Variants in EPC2 observed in about 807,000 individuals in gnomAD.
The protein encoded by EPC2 is enhancer of polycomb 2, also known as enhancer of polycomb homolog 2.
Under a neutral mutation model 92.1 loss-of-function variants are expected in EPC2, and 14 were observed. The observed-to-expected ratio is 0.15, with a 90% CI of 0.10 to 0.24. EPC2 has a LOEUF of 0.24. Ranked by LOEUF, EPC2 falls within the 10% of genes least tolerant of loss-of-function variation. The probability of loss-of-function intolerance (pLI) is 1.00; values close to 1 mark genes in which losing one functional copy is unlikely to be tolerated. For synonymous variants in EPC2, 340 were observed against 334.7 expected, an observed-to-expected ratio of 1.02 and a Z score of -0.17; for missense variants, 755 against 971.5, an observed-to-expected ratio of 0.78 and a Z score of 2.96.
chr2:148,762,643 T>G, intron 5 of EPC2, 27 bp from the exon 6 acceptor site: 1 of 1,516,730 alleles, frequency 6.6e-7, no homozygotes, highest in Non-Finnish European at 8.9e-7. Context: ...ATGCAATGTT[T>G]TCTTATATTT....
chr2:148,721,715 T>C (rs1267825003), intron 2 of EPC2, among the ~76,000 whole-genome samples: 2 of 111,418 alleles, frequency 1.8e-5, no homozygotes, highest in African/African-American at 2.6e-5. Context: ...TTTTATTCTT[T>C]TTTTTTTTTT....
Position 148,749,026 on chromosome 2 carries a change from T to G in EPC2, c.460-4901T>G, listed in dbSNP as rs73005659. ...TAAAGTGAAATCTGAACCACCTGAT[T>G]CCAGCCATGCTGAACTTCTTTCTGG... On this transcript the variant is annotated intron_variant, in intron 3 of 13. Transcript: ENST00000258484. Among the ~76,000 whole-genome samples, 1,522 of 152,294 alleles carry G rather than the reference T, an allele frequency of 1.0e-2. 25 individuals are homozygous for G. Among genetic ancestry groups the G allele is most frequent in the African/African-American group, 0.034 (1,427 of 41,564 alleles).
chr2:148,649,204 T>G (rs1013874156), intron 1 of EPC2, among the ~76,000 whole-genome samples: 3 of 152,236 alleles, frequency 2.0e-5, no homozygotes, highest in Admixed American at 2.0e-4. Flanking sequence ...AAACTTTTTT[T>G]GAAGTATACT....
In EPC2 at chr2:148,784,916, A is replaced by G. The variant is rs763525551; in HGVS notation, c.2266A>G (p.Thr756Ala). The G allele has an allele frequency of 2.8e-5, 45 of 1,587,308 alleles. No homozygotes were observed. The highest frequency in any genetic ancestry group is 3.7e-5 in the Non-Finnish European group (43 of 1,166,230). ...INTRTSAPSP[T>A]ALKLATVAAS... is the part of the protein sequence containing the mutation. ...TACACGGACTTCAGCACCATCGCCAACAGCCTTAAAACTTGCCACAGTTGC... is the reference window on the plus strand; with the variant it reads ...TACACGGACTTCAGCACCATCGCCAGCAGCCTTAAAACTTGCCACAGTTGC... The change falls in exon 13 of 14, where the codon ACA becomes GCA. Residue 756 changes from threonine (T) to alanine (A), a missense_variant. Physicochemically the swap from Thr to Ala is moderately conservative, Grantham distance 58. Around this residue, in one of 4 missense-constraint regions of EPC2, gnomAD observed 207 missense variants for 260.5 expected, o/e 0.79. Transcript: ENST00000258484.
At chr2:148,659,719 A>G (rs1424566247) in intron 1 of EPC2, among the ~76,000 whole-genome samples, 2 of 152,128 alleles carry the variant, frequency 1.3e-5, no homozygotes, top group African/African-American at 4.8e-5. Flanking sequence ...GTTTCTACAC[A>G]CAAAAATTAA....
chr2:148,735,281 C>A (rs1227442559), intron 2 of EPC2, among the ~76,000 whole-genome samples: 1 of 151,922 alleles, frequency 6.6e-6, no homozygotes, highest in African/African-American at 2.4e-5. Flanking sequence ...TATGAGAGTT[C>A]TTGTTGTCTC....
chr2:148,689,596 T>G (rs924821102), intron 1 of EPC2, among the ~76,000 whole-genome samples: 2 of 152,076 alleles, frequency 1.3e-5, no homozygotes, highest in South Asian at 2.1e-4. Context: ...AATGGGCCAT[T>G]GTGGGGGAAG....
At chr2:148,722,227 T>C (rs1374523066) in intron 2 of EPC2, among the ~76,000 whole-genome samples, 1 of 152,178 alleles carries the variant, frequency 6.6e-6, no homozygotes, top group African/African-American at 2.4e-5. Flanking sequence ...GTCTCTGGAC[T>C]GTGAACTTCA....
chr2:148,726,630 T>TA (rs760711785), intron 2 of EPC2, among the ~76,000 whole-genome samples: 5 of 152,098 alleles, frequency 3.3e-5, no homozygotes, highest in Non-Finnish European at 7.4e-5. Context: ...TTTTAATACT[T>TA]AAAGAATTTT....
chr2:148,731,984 AT>A (rs1682641127), intron 2 of EPC2, among the ~76,000 whole-genome samples: 1 of 152,168 alleles, frequency 6.6e-6, no homozygotes. Context: ...AATTGGTAAG[AT>A]TTATAAACAG....
chr2:148,733,417 ATTC>A (rs1682685055), intron 2 of EPC2, among the ~76,000 whole-genome samples: 1 of 139,126 alleles, frequency 7.2e-6, no homozygotes, highest in South Asian at 2.3e-4. Flanking sequence ...TCTATCACAT[ATTC>A]TTCTCCTTTT....
At chr2:148,666,948 G>T (rs1413565911) in intron 1 of EPC2, among the ~76,000 whole-genome samples, 1 of 151,786 alleles carries the variant, frequency 6.6e-6, no homozygotes, top group Non-Finnish European at 1.5e-5. Flanking sequence ...GTAGGAGCTG[G>T]ATAGCACTCT....
At chr2:148,718,022 T>A (rs766264696) in intron 2 of EPC2, among the ~76,000 whole-genome samples, 8 of 152,224 alleles carry the variant, frequency 5.3e-5, no homozygotes, top group Non-Finnish European at 8.8e-5. Flanking sequence ...TTTTGATCTT[T>A]GTTGGTTTAA....
intron 1 of EPC2, among the ~76,000 whole-genome samples, chr2:148,656,029 G>T (rs866124532): frequency 0.024 from 3,172 of 130,396 alleles, 103 homozygotes; most frequent in Middle Eastern, 0.068. Flanking sequence ...GTGTGTGGGG[G>T]GGGGGGGGGT....
In EPC2 at chr2:148,784,735, G is replaced by T; in HGVS notation, c.2085G>T (p.Gln695His). ...LSSSPGISAV[Q>H]LVRTVGHTTT... is the part of the protein sequence containing the mutation. ...CCAGCCCAGGGATTTCAGCTGTACA[G>T]CTTGTAAGGACAGTTGGCCACACCA... The change falls in exon 13 of 14, where the codon CAG becomes CAT. Residue 695 changes from glutamine (Q) to histidine (H), a missense_variant. This residue lies in a region of EPC2 where 207 missense variants were observed against 260.5 expected (regional missense o/e 0.79). Transcript: ENST00000258484. 6.2e-7 allele frequency: 1 copy of T among 1,613,898 alleles called. No individual in the cohort carries two copies. Among genetic ancestry groups the T allele is most frequent in the East Asian group, 2.2e-5 (1 of 44,882 alleles).
intron 1 of EPC2, among the ~76,000 whole-genome samples, chr2:148,680,013 G>T (rs930501772): frequency 1.3e-5 from 2 of 151,500 alleles, no homozygotes; most frequent in African/African-American, 2.4e-5. Context: ...AATGTATTTG[G>T]TGTTCCAACT....
At chr2:148,733,319 A>G (rs1445011684) in intron 2 of EPC2, among the ~76,000 whole-genome samples, 1 of 151,686 alleles carries the variant, frequency 6.6e-6, no homozygotes, top group African/African-American at 2.4e-5. Flanking sequence ...TACTTTTCCT[A>G]ATGAACTTAA....
chr2:148,679,480 G>A (rs1681345774), intron 1 of EPC2, among the ~76,000 whole-genome samples: 1 of 152,192 alleles, frequency 6.6e-6, no homozygotes, highest in Non-Finnish European at 1.5e-5. Flanking sequence ...ACTGCAAGGT[G>A]ACATTGTATA....
intron 7 of EPC2, among the ~76,000 whole-genome samples, chr2:148,768,620 A>G (rs552355218): frequency 2.0e-5 from 3 of 152,350 alleles, no homozygotes; most frequent in South Asian, 2.1e-4. Flanking sequence ...GATTTTTGAA[A>G]AATGAGTTGG....
Sources: allele counts gnomAD v4.1 joint callset (sites outside exome capture counted in the v4.1 genomes callset), GRCh38; gene constraint gnomAD v4.1.1; regional missense constraint gnomAD v4.1.1; transcripts MANE v1.5; gene names NCBI Gene and HGNC (gene_info 2026-07-23, HGNC 2026-07-21).